Variants in SLC35F4 observed in about 807,000 individuals in gnomAD.
The protein encoded by SLC35F4 is chromosome 14 open reading frame 36.
In SLC35F4, 24 loss-of-function variants were observed where a neutral mutation model predicts 44.2. The observed-to-expected ratio is 0.54, with a 90% CI of 0.39 to 0.76. The LOEUF is 0.76. Among genes scored for constraint, SLC35F4 ranks in the 30% least tolerant of loss-of-function variants. The pLI is 0.00. For synonymous variants in SLC35F4, 238 were observed against 223.6 expected, an observed-to-expected ratio of 1.06 and a Z score of -0.57; for missense variants, 562 against 586.1, an observed-to-expected ratio of 0.96 and a Z score of 0.42.
At chr14:57,656,976 A>G (rs1236907641) in intron 1 of SLC35F4, among the ~76,000 whole-genome samples, 1 of 152,228 alleles carries the variant, frequency 6.6e-6, no homozygotes, top group Non-Finnish European at 1.5e-5. Context: ...AGGAATATAA[A>G]TATCTGTTTC....
intron 1 of SLC35F4, among the ~76,000 whole-genome samples, chr14:57,656,513 T>A (rs1282985000): frequency 2.6e-5 from 4 of 152,056 alleles, no homozygotes; most frequent in Non-Finnish European, 5.9e-5. Flanking sequence ...GGCTTGTTAC[T>A]ATAGGAACTC....
intron 1 of SLC35F4, among the ~76,000 whole-genome samples, chr14:57,616,681 C>A (rs1012690908): frequency 6.6e-6 from 1 of 152,126 alleles, no homozygotes; most frequent in South Asian, 2.1e-4. Context: ...ACTTTGAATT[C>A]CACTCTTTTT....
chr14:57,938,814 T>C (rs1264112452), intron 1 of SLC35F4, among the ~76,000 whole-genome samples: 2 of 152,120 alleles, frequency 1.3e-5, no homozygotes, highest in Non-Finnish European at 2.9e-5. Context: ...ATTCGACTGA[T>C]TGGGACATGC....
intron 1 of SLC35F4, among the ~76,000 whole-genome samples, chr14:57,833,950 T>C (rs551570869): frequency 6.6e-6 from 1 of 152,376 alleles, no homozygotes; most frequent in South Asian, 2.1e-4. Context: ...AGGAATCTTT[T>C]TGTTCCCTCT....
At position 57,865,953 on chromosome 14, in the gene SLC35F4, A is replaced by ACTCCACC; in HGVS notation, c.-135_-129dup. On this transcript the variant is annotated 5_prime_UTR_variant, in exon 1 of 8. Transcript: ENST00000556826. ...CTCCTGCTCCCGCGCCCGGGCTCTG[A>ACTCCACC]CTCCACCGCCCGGCGCAGCACCGGC... 1.9e-6 allele frequency: 1 copy of ACTCCACC among 533,944 alleles called. No individual in the cohort carries two copies. Among genetic ancestry groups the ACTCCACC allele is most frequent in the South Asian group, 2.7e-5 (1 of 37,108 alleles). 33.1% of individuals were successfully genotyped at this position (533,944 alleles called of 1,614,324 possible).
Position 57,786,383 on chromosome 14 carries a change from C to T in SLC35F4, c.103+79340G>A, listed in dbSNP as rs541319777. ...TATAATCTTGGGAGTTCTACGGCCC[C>T]GCCCACTGCTGGTCCCTCTCCACAC... On this transcript the variant is annotated intron_variant, in intron 1 of 7. Transcript: ENST00000556826. Among the ~76,000 whole-genome samples, 41 of 152,230 alleles carry T rather than the reference C, an allele frequency of 2.7e-4. 1 individual carries two copies. The South Asian group carries it at 7.3e-3, about 27-fold the overall frequency.
chr14:57,570,728 T>G (rs1444353536), intron 5 of SLC35F4, among the ~76,000 whole-genome samples: 1 of 152,200 alleles, frequency 6.6e-6, no homozygotes, highest in Admixed American at 6.5e-5. Flanking sequence ...CAGATATGAT[T>G]TGGTGCATGT....
At chr14:57,777,468 T>C (rs1451211718) in intron 1 of SLC35F4, among the ~76,000 whole-genome samples, 1 of 152,162 alleles carries the variant, frequency 6.6e-6, no homozygotes, top group Admixed American at 6.5e-5. Context: ...TGAGTTCATG[T>C]CTTTTGCGTG....
chr14:57,664,690 C>T (rs142554185), intron 1 of SLC35F4, among the ~76,000 whole-genome samples: 147 of 152,252 alleles, frequency 9.7e-4, no homozygotes, highest in African/African-American at 3.3e-3. Flanking sequence ...GGATTACAGG[C>T]GTAAGCCACT....
At chr14:57,778,959 A>G (rs1361546159) in intron 1 of SLC35F4, among the ~76,000 whole-genome samples, 20 of 152,170 alleles carry the variant, frequency 1.3e-4, no homozygotes, top group Non-Finnish European at 1.5e-5. Flanking sequence ...AATCTCTTGG[A>G]CACTGATAAA....
intron 1 of SLC35F4, among the ~76,000 whole-genome samples, chr14:57,767,567 A>G (rs2140660490): frequency 6.6e-6 from 1 of 152,284 alleles, no homozygotes; most frequent in Non-Finnish European, 1.5e-5. Flanking sequence ...AATTTATTGT[A>G]CTAAAATGCT....
intron 1 of SLC35F4, among the ~76,000 whole-genome samples, chr14:57,736,434 A>G (rs1381761339): frequency 6.6e-6 from 1 of 152,226 alleles, no homozygotes; most frequent in Non-Finnish European, 1.5e-5. Context: ...GGGCCTGTAT[A>G]GTAAAATCTT....
intron 1 of SLC35F4, among the ~76,000 whole-genome samples, chr14:57,825,036 AT>A (rs1222578776): frequency 1.3e-5 from 2 of 152,118 alleles, no homozygotes; most frequent in Non-Finnish European, 2.9e-5. Flanking sequence ...TTGAACCAGA[AT>A]GAGGAAGTGC....
intron 1 of SLC35F4, among the ~76,000 whole-genome samples, chr14:57,864,681 C>T (rs1887969819): frequency 6.6e-6 from 1 of 152,182 alleles, no homozygotes; most frequent in African/African-American, 2.4e-5. Flanking sequence ...ATCAGAAATG[C>T]ATCTAGGAGC....
chr14:57,637,046 G>A (rs1052433135), intron 1 of SLC35F4, among the ~76,000 whole-genome samples: 5 of 152,168 alleles, frequency 3.3e-5, no homozygotes, highest in Admixed American at 1.3e-4. Flanking sequence ...TGAATCTTAC[G>A]TAAAAGTGGT....
intron 1 of SLC35F4, among the ~76,000 whole-genome samples, chr14:57,898,606 G>A (rs946005542): frequency 1.3e-5 from 2 of 152,162 alleles, no homozygotes; most frequent in Non-Finnish European, 2.9e-5. Context: ...TTCAAGTGAG[G>A]CAACAAGCAC....
In SLC35F4 at chr14:57,865,835, G is replaced by A. The variant is rs1030366664; in HGVS notation, c.-10C>T. 7.3e-6 allele frequency: 11 copies of A among 1,497,688 alleles called. No homozygotes were observed. The highest frequency in any genetic ancestry group is 2.9e-5 in the African/African-American group (2 of 69,170). The allele number at this position is 1,497,688 out of a possible 1,614,324, so 92.8% of individuals were successfully genotyped here. On this transcript the variant is annotated 5_prime_UTR_variant, in exon 1 of 8. Transcript: ENST00000556826. ...CCGCCTTGACATCCATAGAGAGCGCGGGGCGACGGCCCCGAGTGCGGCGGG... is the reference window on the plus strand; with the variant it reads ...CCGCCTTGACATCCATAGAGAGCGCAGGGCGACGGCCCCGAGTGCGGCGGG...
intron 1 of SLC35F4, among the ~76,000 whole-genome samples, chr14:57,813,986 T>A (rs8021005): frequency 0.03 from 4,552 of 152,284 alleles, 207 homozygotes; most frequent in African/African-American, 0.1. Flanking sequence ...TTAGAGCCAT[T>A]CTGTTTTTAA....
intron 1 of SLC35F4, among the ~76,000 whole-genome samples, chr14:57,858,113 A>G (rs1887301971): frequency 6.6e-6 from 1 of 152,000 alleles, no homozygotes; most frequent in Non-Finnish European, 1.5e-5. Flanking sequence ...ATTGTGGGAG[A>G]CAGTGTGGTG....
Sources: gnomAD v4.1 joint callset for allele counts (sites outside exome capture counted in the v4.1 genomes callset) on GRCh38, gnomAD v4.1.1 for gene constraint, MANE v1.5 for transcripts, NCBI Gene and HGNC (gene_info 2026-07-23, HGNC 2026-07-21) for gene names.